Variants in CADM2 observed in about 807,000 individuals in gnomAD.
CADM2 encodes immunoglobulin superfamily member 4D.
CADM2 carries 12 observed loss-of-function variants against 49.8 expected under a neutral mutation model. The ratio of observed to expected loss-of-function variants is 0.24; its 90% CI spans 0.15 to 0.39. CADM2 has a LOEUF of 0.39. Among genes scored for constraint, CADM2 ranks in the 10% least tolerant of loss-of-function variants. The probability of loss-of-function intolerance (pLI) is 1.00; values close to 1 mark genes in which losing one functional copy is unlikely to be tolerated. For synonymous variants in CADM2, 214 were observed against 175.4 expected (o/e 1.22, Z -1.74); for missense variants, 378 against 492.3 (o/e 0.77, Z 2.20).
rs1703366263 is a variant in CADM2 at position 86,072,899 on chromosome 3, CT to C, written c.*6119del. ...CTAGAAATTTTTCAAAGCTAGTACT[CT>C]TTCTCCTTATAAATGTACACAATTT... On this transcript the variant is annotated 3_prime_UTR_variant, in exon 10 of 10. Coordinates refer to ENST00000383699, the MANE Select transcript of CADM2 (RefSeq NM_001167675.2). 6.6e-6 allele frequency: 1 copy of C among 152,006 alleles called. No individual in the cohort carries two copies. Among genetic ancestry groups the C allele is most frequent in the Non-Finnish European group, 1.5e-5 (1 of 67,950 alleles). 9.4% of individuals were successfully genotyped at this position (152,006 alleles called of 1,614,324 possible).
chr3:86,013,670 T>C (rs984132945), intron 8 of CADM2: 2 of 1,602,362 alleles, frequency 1.2e-6, no homozygotes, highest in African/African-American at 1.3e-5. Flanking sequence ...AGCACCTAAC[T>C]GTGTTGGTGG....
At chr3:85,440,876 C>T (rs560194209) in intron 1 of CADM2, among the ~76,000 whole-genome samples, 39 of 151,930 alleles carry the variant, frequency 2.6e-4, no homozygotes, top group African/African-American at 8.4e-4. Context: ...CAGTTATTTA[C>T]GAGGCTGAGA....
At chr3:86,065,756 C>A (rs868178804) in intron 9 of CADM2, 26 bp downstream of exon 9, 5 of 1,607,960 alleles carry the variant, frequency 3.1e-6, no homozygotes, top group East Asian at 2.2e-5. Flanking sequence ...CCAGAGTACA[C>A]AATGTGGGCA....
intron 1 of CADM2, among the ~76,000 whole-genome samples, chr3:85,252,403 T>C (rs1192689962): frequency 1.3e-5 from 2 of 151,870 alleles, no homozygotes; most frequent in Admixed American, 1.3e-4. Flanking sequence ...GTGTACTTAA[T>C]TACTGGATAA....
At chr3:85,272,184 A>C (rs954935087) in intron 1 of CADM2, among the ~76,000 whole-genome samples, 2 of 151,158 alleles carry the variant, frequency 1.3e-5, no homozygotes, top group African/African-American at 4.8e-5. Context: ...GCCAAAATGG[A>C]ATGTTATTTC....
chr3:85,704,890 G>A (rs1037577227), intron 1 of CADM2, among the ~76,000 whole-genome samples: 6 of 147,078 alleles, frequency 4.1e-5, no homozygotes, highest in Admixed American at 1.4e-4. Flanking sequence ...ATGGAGTCTC[G>A]CTCTGTCGTC....
rs535206474 is a variant in CADM2, at chr3:86,073,361, T to C, written c.*6578T>C. ...AAGAAGATCCAACAAATTAACCATA[T>C]AAGCACAGAAAATAGAGAAACACAG... On this transcript the variant is annotated 3_prime_UTR_variant, in exon 10 of 10. Coordinates refer to ENST00000383699, the MANE Select transcript of CADM2 (RefSeq NM_001167675.2). The C allele has an allele frequency of 3.3e-5, 5 of 152,112 alleles. No homozygotes were observed. In the East Asian group the frequency reaches 9.7e-4, roughly 29 times the overall value. The allele number at this position is 152,112 out of a possible 1,614,324, so 9.4% of individuals were successfully genotyped here.
intron 1 of CADM2, among the ~76,000 whole-genome samples, chr3:85,546,405 T>A (rs758613804): frequency 9.9e-5 from 15 of 152,174 alleles, no homozygotes; most frequent in Non-Finnish European, 2.2e-4. Flanking sequence ...CATCTCCCTC[T>A]CTTTCCCCTT....
intron 1 of CADM2, among the ~76,000 whole-genome samples, chr3:85,671,680 A>G (rs1424869331): frequency 6.6e-6 from 1 of 152,088 alleles, no homozygotes; most frequent in African/African-American, 2.4e-5. Flanking sequence ...CGACCCTCTT[A>G]CACCAGGACC....
chr3:85,149,515 T>A (rs899676979), intron 1 of CADM2, among the ~76,000 whole-genome samples: 2 of 152,028 alleles, frequency 1.3e-5, no homozygotes, highest in Non-Finnish European at 2.9e-5. Context: ...TCATGAGGTC[T>A]GGAGATCGAG....
intron 1 of CADM2, among the ~76,000 whole-genome samples, chr3:85,201,994 C>T (rs1318702773): frequency 3.3e-5 from 5 of 150,734 alleles, no homozygotes; most frequent in African/African-American, 2.4e-5. Flanking sequence ...GCAGGAGAAC[C>T]GCTTGAACCA....
intron 1 of CADM2, among the ~76,000 whole-genome samples, chr3:85,472,895 T>G (rs1014105181): frequency 6.6e-6 from 1 of 152,060 alleles, no homozygotes; most frequent in African/African-American, 2.4e-5. Flanking sequence ...TAGTCTTCTG[T>G]TCTATTAATA....
intron 3 of CADM2, among the ~76,000 whole-genome samples, chr3:85,869,952 C>T (rs1335421145): frequency 1.3e-5 from 2 of 152,170 alleles, no homozygotes; most frequent in East Asian, 1.9e-4. Context: ...TGAGCCACCG[C>T]GCCCTGCCCT....
chr3:85,597,134 GT>G (rs1413513714), intron 1 of CADM2, among the ~76,000 whole-genome samples: 1 of 152,030 alleles, frequency 6.6e-6, no homozygotes, highest in African/African-American at 2.4e-5. Context: ...ATATTGTAAT[GT>G]TTTATGGAGA....
chr3:85,112,703 T>C (rs961014448), intron 1 of CADM2, among the ~76,000 whole-genome samples: 3 of 151,820 alleles, frequency 2.0e-5, no homozygotes, highest in Admixed American at 6.6e-5. Context: ...AATTCTTCTA[T>C]AAAATAACAG....
intron 1 of CADM2, among the ~76,000 whole-genome samples, chr3:85,106,594 C>T (rs2038236359): frequency 6.6e-6 from 1 of 152,126 alleles, no homozygotes; most frequent in African/African-American, 2.4e-5. Context: ...GCACAAGCTC[C>T]TTCTATCAAT....
chr3:85,016,824 G>GA, intron 1 of CADM2, among the ~76,000 whole-genome samples: 1 of 151,682 alleles, frequency 6.6e-6, no homozygotes, highest in Non-Finnish European at 1.5e-5. Flanking sequence ...GAAAAGAAAA[G>GA]AAAGAAAGAA....
intron 1 of CADM2, among the ~76,000 whole-genome samples, chr3:85,313,844 G>A (rs915681866): frequency 1.3e-5 from 2 of 152,160 alleles, no homozygotes; most frequent in African/African-American, 4.8e-5. Flanking sequence ...AATGGAAAAT[G>A]TGTAGGAAAG....
intron 1 of CADM2, among the ~76,000 whole-genome samples, chr3:85,656,508 C>T (rs1053042335): frequency 5.9e-5 from 9 of 151,930 alleles, no homozygotes; most frequent in Middle Eastern, 3.4e-3. Context: ...CCCAACTACT[C>T]GGGAGGCTGA....
Sources: allele counts gnomAD v4.1 joint callset (sites outside exome capture counted in the v4.1 genomes callset), GRCh38; gene constraint gnomAD v4.1.1; transcripts MANE v1.5; gene names NCBI Gene and HGNC (gene_info 2026-07-23, HGNC 2026-07-21).